Variants in SEC14L1 observed in about 807,000 individuals in gnomAD.
SEC14L1 encodes SEC14-like protein 1.
Under a neutral mutation model 85.3 loss-of-function variants are expected in SEC14L1, and 48 were observed. The ratio of observed to expected loss-of-function variants is 0.56; its 90% CI spans 0.45 to 0.72. The LOEUF (loss-of-function observed/expected upper bound fraction) is 0.72. Among genes scored for constraint, SEC14L1 ranks in the 30% least tolerant of loss-of-function variants. The pLI, the probability that SEC14L1 is intolerant of heterozygous loss-of-function variation, is 0.00. For missense variants in SEC14L1, 682 were observed against 921.4 expected (o/e 0.74, Z 3.36); for synonymous variants, 391 against 355.5 (o/e 1.10, Z -1.12).
intron 3 of SEC14L1, among the ~76,000 whole-genome samples, chr17:77,112,025 G>A (rs1972059718): frequency 1.3e-5 from 2 of 152,184 alleles, no homozygotes; most frequent in Non-Finnish European, 2.9e-5. Flanking sequence ...GGAGGAACCC[G>A]GTGGGAGGTA....
intron 3 of SEC14L1, among the ~76,000 whole-genome samples, chr17:77,160,103 A>G (rs1973995893): frequency 6.6e-6 from 1 of 152,230 alleles, no homozygotes; most frequent in African/African-American, 2.4e-5. Flanking sequence ...TATTTTCCTG[A>G]TGGATTAAAG....
rs1284133750 is a variant in SEC14L1, at chr17:77,213,630, TG to T, written c.2042+142del. The T allele has an allele frequency of 1.9e-6, 2 of 1,076,098 alleles. No individual in the cohort carries two copies. Among genetic ancestry groups the T allele is most frequent in the Non-Finnish European group, 2.8e-6 (2 of 725,808 alleles). 66.7% of individuals were successfully genotyped at this position (1,076,098 alleles called of 1,614,324 possible). ...TTGGAGGGCCAGGAGGGAGTGGCTT[TG>T]GGGTCATTTGTTGGCACGGTGACTC... On this transcript the variant is annotated intron_variant, in intron 16 of 16. Transcript: ENST00000436233. The surrounding 1 kb of genome is among the most constrained non-coding windows in gnomAD (Gnocchi z 7.1).
At chr17:77,200,813 T>A (rs947142958) in intron 9 of SEC14L1, 140 bp downstream of exon 9, 2 of 804,310 alleles carry the variant, frequency 2.5e-6, no homozygotes, top group Non-Finnish European at 3.9e-6. Context: ...TTTGGCACCT[T>A]TCCCAAGTTG....
chr17:77,214,058 C>T lies in SEC14L1; in HGVS notation c.*35C>T, dbSNP rs140461901. On this transcript the variant is annotated 3_prime_UTR_variant, in exon 17 of 17. Transcript: ENST00000436233. The stretch of plus-strand genomic sequence containing the variant: ...GCCTGCACCTAGTGTGCAGAGGGGA[C>T]GGCCGCCCCTCCTCGGACAGCCAGC... The T allele has an allele frequency of 0.012, 18,488 of 1,593,140 alleles. 115 individuals carry two copies. The highest frequency in any genetic ancestry group is 0.013 in the Non-Finnish European group (15,768 of 1,169,372).
At chr17:77,138,033 T>C (rs1365589326), upstream of SEC14L1, among the ~76,000 whole-genome samples, 2 of 152,056 alleles carry the variant, frequency 1.3e-5, no homozygotes, top group African/African-American at 4.8e-5. Flanking sequence ...GGGAGGCCAG[T>C]GAGCCAGGAG....
At chr17:77,139,360 C>T (rs1274387298), upstream of SEC14L1, among the ~76,000 whole-genome samples, 2 of 151,688 alleles carry the variant, frequency 1.3e-5, no homozygotes, top group Non-Finnish European at 2.9e-5. Context: ...TTAGTGGAGA[C>T]GAGGTCTCAC....
At chr17:77,095,341 GAA>G (rs1022382134) in intron 3 of SEC14L1, among the ~76,000 whole-genome samples, 21 of 152,324 alleles carry the variant, frequency 1.4e-4, no homozygotes, top group African/African-American at 5.1e-4. Context: ...CAGTAACAGG[GAA>G]ATCAGGACAG....
chr17:77,164,636 C>A (rs1012316821), intron 3 of SEC14L1, among the ~76,000 whole-genome samples: 3 of 152,102 alleles, frequency 2.0e-5, no homozygotes, highest in African/African-American at 7.2e-5. Flanking sequence ...GTGTCTTAGT[C>A]CTAGAATGAC....
intron 9 of SEC14L1, among the ~76,000 whole-genome samples, chr17:77,201,923 C>G (rs1333017468): frequency 6.6e-6 from 1 of 152,154 alleles, no homozygotes; most frequent in Non-Finnish European, 1.5e-5. Flanking sequence ...ACCCTCTAAC[C>G]CTCTGCCCCA....
intron 3 of SEC14L1, among the ~76,000 whole-genome samples, chr17:77,117,623 G>A (rs1972204683): frequency 6.6e-6 from 1 of 152,112 alleles, no homozygotes; most frequent in South Asian, 2.1e-4. Context: ...CCAATGAATT[G>A]CTCAAGAAAA....
At position 77,172,120 on chromosome 17, in the gene SEC14L1, CAAGTTACA is replaced by C. The variant is rs537375301; in HGVS notation, c.64-18682_64-18675del. Among the ~76,000 whole-genome samples, 65 of 152,212 alleles carry C rather than the reference CAAGTTACA, an allele frequency of 4.3e-4. No individual in the cohort carries two copies. In the South Asian group the frequency reaches 0.013, roughly 31 times the overall value. ...CGAAATAAAAAGTTTTTCCTGTGAACAAGTTACACCAGGGGGAAGATAACAAACTGAGG... is the reference window on the plus strand; with the variant it reads ...CGAAATAAAAAGTTTTTCCTGTGAACCCAGGGGGAAGATAACAAACTGAGG... On this transcript the variant is annotated intron_variant, in intron 3 of 16. Transcript: ENST00000436233.
At chr17:77,161,112 T>C (rs995276641) in intron 3 of SEC14L1, among the ~76,000 whole-genome samples, 3 of 152,280 alleles carry the variant, frequency 2.0e-5, no homozygotes, top group African/African-American at 7.2e-5. Context: ...CCATGAAATG[T>C]ATGTTGTTTA....
intron 3 of SEC14L1, among the ~76,000 whole-genome samples, chr17:77,125,860 G>A (rs1972433082): frequency 6.6e-6 from 1 of 152,120 alleles, no homozygotes; most frequent in South Asian, 2.1e-4. Context: ...GAGTTCAACA[G>A]AAGGAATGGG....
At chr17:77,196,340 A>G (rs763572552) in intron 8 of SEC14L1, 29 bp downstream of exon 8, 26 of 1,334,594 alleles carry the variant, frequency 1.9e-5, no homozygotes, top group South Asian at 7.1e-5. Context: ...CCCAGTGTGC[A>G]GGGCCAGAGC....
chr17:77,106,582 CCT>C (rs1348337768), intron 3 of SEC14L1, among the ~76,000 whole-genome samples: 1 of 151,386 alleles, frequency 6.6e-6, no homozygotes, highest in Non-Finnish European at 1.5e-5. Context: ...GGGTGGATCA[CCT>C]GAGGTCAGGA....
intron 3 of SEC14L1, among the ~76,000 whole-genome samples, chr17:77,166,164 C>T (rs757710177): frequency 1.3e-5 from 2 of 152,196 alleles, no homozygotes; most frequent in Non-Finnish European, 2.9e-5. Context: ...TGCTGTCGAA[C>T]TCCTGGGCTC....
At chr17:77,211,780 A>G in intron 14 of SEC14L1, 170 bp from the exon 15 acceptor site, 1 of 818,934 alleles carries the variant, frequency 1.2e-6, no homozygotes, top group Non-Finnish European at 1.9e-6. Context: ...CAGCGGTTGA[A>G]TGGATGGTGG....
At chr17:77,187,504 A>T (rs1408043320) in intron 3 of SEC14L1, among the ~76,000 whole-genome samples, 2 of 151,940 alleles carry the variant, frequency 1.3e-5, no homozygotes, top group African/African-American at 4.8e-5. Context: ...CAGCCTCCCA[A>T]GTAGCTGGGA....
chr17:77,202,657 C>T (rs146100869), intron 9 of SEC14L1, among the ~76,000 whole-genome samples: 6 of 151,792 alleles, frequency 4.0e-5, no homozygotes, highest in East Asian at 1.9e-4. Flanking sequence ...CAGTGGCTCA[C>T]GCCTATAATC....
Sources: allele counts gnomAD v4.1 joint callset (sites outside exome capture counted in the v4.1 genomes callset), GRCh38; gene constraint gnomAD v4.1.1; non-coding constraint Gnocchi (gnomAD v3.1); transcripts MANE v1.5; gene names NCBI Gene and HGNC (gene_info 2026-07-23, HGNC 2026-07-21).